TRPM3: variants seen among roughly 807,000 people sequenced by gnomAD.
The protein encoded by TRPM3 is transient receptor potential cation channel subfamily M member 3.
Under a neutral mutation model 181.2 loss-of-function variants are expected in TRPM3, and 77 were observed. The observed-to-expected ratio is 0.42, with a 90% CI of 0.35 to 0.51. The LOEUF (loss-of-function observed/expected upper bound fraction) is 0.51, where lower values mean the gene tolerates loss of function less well. Among genes scored for constraint, TRPM3 ranks in the 20% least tolerant of loss-of-function variants. TRPM3 has a pLI of 0.01. For synonymous variants in TRPM3, 745 were observed against 796.4 expected, an observed-to-expected ratio of 0.94 and a Z score of 1.09; for missense variants, 1,759 against 2,196.7, an observed-to-expected ratio of 0.80 and a Z score of 3.98.
chr9:70,599,606 G>A (rs2059547252), intron 20 of TRPM3, among the ~76,000 whole-genome samples: 1 of 152,132 alleles, frequency 6.6e-6, no homozygotes, highest in Non-Finnish European at 1.5e-5. Context: ...TATTCAGGAT[G>A]CTTGTACTTA....
chr9:70,821,242 T>C (rs1040810090), intron 6 of TRPM3, among the ~76,000 whole-genome samples: 1 of 152,248 alleles, frequency 6.6e-6, no homozygotes, highest in Non-Finnish European at 1.5e-5. Flanking sequence ...GCTTTTGTAC[T>C]GAAATATTTA....
chr9:70,865,898 AC>A (rs1381774289), intron 1 of TRPM3, among the ~76,000 whole-genome samples: 1 of 152,028 alleles, frequency 6.6e-6, no homozygotes, highest in East Asian at 1.9e-4. Flanking sequence ...TGCCTCAGAG[AC>A]CCTCAGGTCC....
chr9:71,017,071 G>A (rs2097790800), intron 1 of TRPM3, among the ~76,000 whole-genome samples: 1 of 152,042 alleles, frequency 6.6e-6, no homozygotes, highest in African/African-American at 2.4e-5. Context: ...TCTATATACT[G>A]TTAAAAATAT....
intron 1 of TRPM3, among the ~76,000 whole-genome samples, chr9:71,074,886 C>T (rs1415097505): frequency 1.3e-5 from 2 of 151,976 alleles, no homozygotes; most frequent in Non-Finnish European, 2.9e-5. Flanking sequence ...GAGAAAAAAA[C>T]ATTTTATCAT....
intron 1 of TRPM3, among the ~76,000 whole-genome samples, chr9:70,914,066 A>T (rs943640914): frequency 1.3e-5 from 2 of 152,232 alleles, no homozygotes; most frequent in Non-Finnish European, 2.9e-5. Flanking sequence ...TTCAAAATTC[A>T]TATGTTGAAA....
At chr9:71,172,628 A>G (rs976714473) in intron 1 of TRPM3, among the ~76,000 whole-genome samples, 2 of 151,620 alleles carry the variant, frequency 1.3e-5, no homozygotes, top group Admixed American at 1.3e-4. Flanking sequence ...CTTGTTTTGA[A>G]CTCCTGGACT....
chr9:70,541,588 C>G (rs969035023), intron 25 of TRPM3, among the ~76,000 whole-genome samples: 1 of 150,860 alleles, frequency 6.6e-6, no homozygotes, highest in African/African-American at 2.4e-5. Context: ...CTCGGTTCAC[C>G]CCAACCTCTG....
intron 1 of TRPM3, among the ~76,000 whole-genome samples, chr9:71,094,885 T>C (rs1260344346): frequency 2.6e-5 from 4 of 152,080 alleles, no homozygotes; most frequent in Non-Finnish European, 5.9e-5. Flanking sequence ...CTCGGCAATA[T>C]AATGTTGATC....
chr9:71,252,848 T>TC (rs1554854927), intron 1 of TRPM3, among the ~76,000 whole-genome samples: 19 of 6,202 alleles, frequency 3.1e-3, no homozygotes, highest in East Asian at 8.3e-3. Flanking sequence ...ATTTTGTCTC[T>TC]TTTTTTTTTT....
At chr9:71,298,319 C>T (rs1038471826) in intron 1 of TRPM3, among the ~76,000 whole-genome samples, 4 of 152,232 alleles carry the variant, frequency 2.6e-5, no homozygotes, top group Admixed American at 2.6e-4. Context: ...GTCAATCCAA[C>T]ATTTCCTTAT....
intron 1 of TRPM3, among the ~76,000 whole-genome samples, chr9:71,004,585 G>A (rs569353070): frequency 2.0e-5 from 3 of 152,126 alleles, no homozygotes; most frequent in Non-Finnish European, 1.5e-5. Flanking sequence ...AAAACCCAGA[G>A]AACTATGACA....
intron 19 of TRPM3, among the ~76,000 whole-genome samples, chr9:70,604,783 A>G (rs1192607715): frequency 6.6e-6 from 1 of 151,838 alleles, no homozygotes; most frequent in African/African-American, 2.4e-5. Flanking sequence ...GGTAGCTGGG[A>G]TAACAGGCAC....
At chr9:71,116,981 G>A (rs2072536384) in intron 1 of TRPM3, among the ~76,000 whole-genome samples, 1 of 152,076 alleles carries the variant, frequency 6.6e-6, no homozygotes, top group South Asian at 2.1e-4. Context: ...TTCTAGCCCG[G>A]GAAAGAGGAA....
chr9:70,870,907 T>A (rs1467785824), intron 1 of TRPM3, among the ~76,000 whole-genome samples: 1 of 152,020 alleles, frequency 6.6e-6, no homozygotes, highest in Non-Finnish European at 1.5e-5. Context: ...TAACCATATG[T>A]TTATAGTCAG....
intron 22 of TRPM3, among the ~76,000 whole-genome samples, chr9:70,584,856 C>A (rs1037314811): frequency 1.3e-5 from 2 of 152,230 alleles, no homozygotes; most frequent in African/African-American, 4.8e-5. Context: ...CATGTGGGCA[C>A]AGCAAAGCCT....
At chr9:71,258,985 G>C (rs1468568814) in intron 1 of TRPM3, among the ~76,000 whole-genome samples, 1 of 152,102 alleles carries the variant, frequency 6.6e-6, no homozygotes, top group Non-Finnish European at 1.5e-5. Context: ...ATGGTGGTTT[G>C]ATGCACCCAT....
At chr9:71,074,443 T>C (rs555501049) in intron 1 of TRPM3, among the ~76,000 whole-genome samples, 1 of 152,190 alleles carries the variant, frequency 6.6e-6, no homozygotes, top group African/African-American at 2.4e-5. Flanking sequence ...TGGGCCCTAT[T>C]ATGTTAATGG....
chr9:71,375,162 G>A (rs1588721433), intron 1 of TRPM3, among the ~76,000 whole-genome samples: 1 of 152,144 alleles, frequency 6.6e-6, no homozygotes, highest in Middle Eastern at 3.4e-3. Flanking sequence ...GCATGGCACT[G>A]GTACAAGGAC....
At chr9:70,829,076 A>G (rs1400232017) in intron 5 of TRPM3, among the ~76,000 whole-genome samples, 2 of 152,210 alleles carry the variant, frequency 1.3e-5, no homozygotes, top group Non-Finnish European at 2.9e-5. Flanking sequence ...TAGTACAGCT[A>G]TCACTGTATT....
Sources: gnomAD v4.1 joint callset for allele counts (sites outside exome capture counted in the v4.1 genomes callset) on GRCh38, gnomAD v4.1.1 for gene constraint, MANE v1.5 for transcripts, NCBI Gene and HGNC (gene_info 2026-07-23, HGNC 2026-07-21) for gene names.